MAPK14: variants seen among roughly 807,000 people sequenced by gnomAD.
The protein encoded by MAPK14 is CSAID-binding protein.
MAPK14 carries 16 observed loss-of-function variants against 49.6 expected under a neutral mutation model. The ratio of observed to expected loss-of-function variants is 0.32; its 90% CI spans 0.22 to 0.49. The LOEUF (loss-of-function observed/expected upper bound fraction) is 0.49. Among genes scored for constraint, MAPK14 ranks in the 20% least tolerant of loss-of-function variants. MAPK14 has a pLI of 0.99. For synonymous variants in MAPK14, 142 were observed against 158.0 expected (o/e 0.90, Z 0.76); for missense variants, 200 against 441.2 (o/e 0.45, Z 4.90).
chr6:36,058,874 T>G (rs1374504714), intron 2 of MAPK14, among the ~76,000 whole-genome samples: 1 of 134,456 alleles, frequency 7.4e-6, no homozygotes, highest in Non-Finnish European at 1.6e-5. Flanking sequence ...AAGAGTGAGA[T>G]CCTGACTCTT....
chr6:36,113,737 AC>A (rs1449926983), downstream of MAPK14, among the ~76,000 whole-genome samples: 1 of 152,140 alleles, frequency 6.6e-6, no homozygotes, highest in Non-Finnish European at 1.5e-5. Flanking sequence ...ATCAGAAGAA[AC>A]CTTTTCTTTC....
rs772108326 is a variant in MAPK14 at position 36,074,116 on chromosome 6, T to A, written c.495+20T>A. On this transcript the variant is annotated intron_variant, in intron 6 of 11. Transcript: ENST00000229794. ...CTGAAGGTAAAATGAAGAGACAGTA[T>A]TCATTGTTTGCTTTACTTTGAGATT... The A allele has an allele frequency of 1.2e-6, 2 of 1,605,582 alleles. No homozygotes were observed. The highest frequency in any genetic ancestry group is 1.3e-5 in the African/African-American group (1 of 74,892).
At chr6:36,036,076 T>A (rs1033414684) in intron 1 of MAPK14, among the ~76,000 whole-genome samples, 1 of 151,966 alleles carries the variant, frequency 6.6e-6, no homozygotes, top group Non-Finnish European at 1.5e-5. Context: ...ATACAAAAAT[T>A]TGTTTTTTAT....
At chr6:36,031,080 T>G (rs1361212018) in intron 1 of MAPK14, among the ~76,000 whole-genome samples, 2 of 152,236 alleles carry the variant, frequency 1.3e-5, no homozygotes, top group Non-Finnish European at 1.5e-5. Context: ...AGTGGTGCCA[T>G]CTTGGCTCAC....
At chr6:36,089,067 G>A (rs1765111847) in intron 8 of MAPK14, among the ~76,000 whole-genome samples, 1 of 152,076 alleles carries the variant, frequency 6.6e-6, no homozygotes, top group African/African-American at 2.4e-5. Flanking sequence ...TATACCCAAA[G>A]GAATATAAAT....
chr6:36,036,726 C>CA (rs1405490867), intron 1 of MAPK14, among the ~76,000 whole-genome samples: 3 of 150,046 alleles, frequency 2.0e-5, no homozygotes, highest in Non-Finnish European at 3.0e-5. Context: ...CATTTTTTAG[C>CA]AAAAAAATAT....
chr6:36,070,176 C>G lies in MAPK14; in HGVS notation c.306-2697C>G, dbSNP rs532810801. On this transcript the variant is annotated intron_variant, in intron 3 of 11. Coordinates refer to ENST00000229794, the MANE Select transcript of MAPK14 (RefSeq NM_139012.3). ...ATTGAGAATTACTAAGGAAATTATT[C>G]AGACATATTGCTTCCCTAGTTATTG... 5.3e-5 allele frequency among the ~76,000 whole-genome samples: 8 copies of G among 152,240 alleles called. 1 individual carries two copies. The South Asian group carries it at 1.7e-3, about 32-fold the overall frequency.
chr6:36,044,028 G>A (rs990558314), intron 1 of MAPK14, among the ~76,000 whole-genome samples: 4 of 151,558 alleles, frequency 2.6e-5, no homozygotes, highest in Admixed American at 6.6e-5. Flanking sequence ...CAGGCTGGTC[G>A]CGAATACCCA....
intron 1 of MAPK14, among the ~76,000 whole-genome samples, chr6:36,044,060 T>G (rs1763076894): frequency 6.6e-6 from 1 of 152,132 alleles, no homozygotes; most frequent in South Asian, 2.1e-4. Context: ...TCTGCCCACC[T>G]CGGCCTCCCA....
intron 1 of MAPK14, among the ~76,000 whole-genome samples, chr6:36,051,737 C>T (rs1410205232): frequency 4.6e-5 from 7 of 152,214 alleles, no homozygotes; most frequent in Non-Finnish European, 8.8e-5. Flanking sequence ...CTCTCTGCTT[C>T]AGTTTCTTAC....
intron 1 of MAPK14, among the ~76,000 whole-genome samples, chr6:36,046,020 G>T (rs1286292445): frequency 6.6e-6 from 1 of 152,076 alleles, no homozygotes; most frequent in Non-Finnish European, 1.5e-5. Flanking sequence ...GATATATGAA[G>T]AATCTAGTAA....
the MAPK14 span, among the ~76,000 whole-genome samples, chr6:36,124,118 T>TCTC: frequency 5.2e-5 from 2 of 38,650 alleles, no homozygotes; most frequent in Non-Finnish European, 1.3e-4. Flanking sequence ...TCTCTCTCTC[T>TCTC]CCTCCCTCCC....
At position 36,108,563 on chromosome 6, in the gene MAPK14, A is replaced by G; in HGVS notation, c.*116A>G. Reference sequence around the variant, plus strand: ...TTGCAGAGATTTCCTCCATGGTGGAAGGGGGTGTGCGTGCGTGTGCGTGCG... The same window carrying G: ...TTGCAGAGATTTCCTCCATGGTGGAGGGGGGTGTGCGTGCGTGTGCGTGCG... On this transcript the variant is annotated 3_prime_UTR_variant, in exon 12 of 12. Transcript: ENST00000229794. The G allele has an allele frequency of 1.2e-6, 1 of 848,344 alleles. No individual in the cohort carries two copies. The highest frequency in any genetic ancestry group is 1.9e-5 in the Admixed American group (1 of 53,334). 52.6% of individuals were successfully genotyped at this position (848,344 alleles called of 1,614,324 possible).
intron 8 of MAPK14, among the ~76,000 whole-genome samples, chr6:36,080,330 C>T (rs1287041663): frequency 6.6e-6 from 1 of 152,118 alleles, no homozygotes; most frequent in Admixed American, 6.5e-5. Context: ...ATTTTTTCAT[C>T]ACCGCAGATG....
chr6:36,068,998 T>G (rs1764167614), intron 3 of MAPK14, among the ~76,000 whole-genome samples: 2 of 152,224 alleles, frequency 1.3e-5, no homozygotes, highest in Non-Finnish European at 2.9e-5. Context: ...GTTTTCAGCT[T>G]TTAGCCTAAT....
At chr6:36,113,855 G>C (rs1304437354), downstream of MAPK14, among the ~76,000 whole-genome samples, 2 of 152,194 alleles carry the variant, frequency 1.3e-5, no homozygotes, top group Non-Finnish European at 2.9e-5. Flanking sequence ...TTCAAGGCAG[G>C]AGAACAGTTG....
At chr6:36,115,642 C>T (rs1011050186), downstream of MAPK14, among the ~76,000 whole-genome samples, 1 of 151,918 alleles carries the variant, frequency 6.6e-6, no homozygotes, top group African/African-American at 2.4e-5. Context: ...AAAACGTTAA[C>T]TGGGGCGGGG....
intron 2 of MAPK14, among the ~76,000 whole-genome samples, chr6:36,056,556 A>T (rs1220466612): frequency 6.6e-6 from 1 of 152,220 alleles, no homozygotes; most frequent in Admixed American, 6.5e-5. Flanking sequence ...GTTCAAACTT[A>T]CAGCTGCTTG....
Position 36,080,483 on chromosome 6 carries a change from T to C in MAPK14, c.682+3875T>C, listed in dbSNP as rs1179857653. ...CTGTATTTGTCCTTTTGTTTCTGGA[T>C]TATTTCACTTAGTATAATGTTTTCA... On this transcript the variant is annotated intron_variant, in intron 8 of 11. Coordinates refer to ENST00000229794, the MANE Select transcript of MAPK14 (RefSeq NM_139012.3). Among the ~76,000 whole-genome samples the C allele has an allele frequency of 2.0e-5, 3 of 152,242 alleles. No homozygotes were observed. The East Asian group carries it at 5.8e-4, about 29-fold the overall frequency.
Sources: gnomAD v4.1 joint callset for allele counts (sites outside exome capture counted in the v4.1 genomes callset) on GRCh38, gnomAD v4.1.1 for gene constraint, MANE v1.5 for transcripts, NCBI Gene and HGNC (gene_info 2026-07-23, HGNC 2026-07-21) for gene names.